Variants in TENM3 observed in about 807,000 individuals in gnomAD.
TENM3 encodes teneurin transmembrane protein 3.
In TENM3, 63 loss-of-function variants were observed where a neutral mutation model predicts 255.1. That is an observed-to-expected ratio of 0.25 (90% CI 0.20 to 0.30). TENM3 has a LOEUF of 0.30. Ranked by LOEUF, TENM3 falls within the 10% of genes least tolerant of loss-of-function variation. The probability of loss-of-function intolerance (pLI) is 1.00; values close to 1 mark genes in which losing one functional copy is unlikely to be tolerated. For synonymous variants in TENM3, 1,306 were observed against 1,322.3 expected (o/e 0.99, Z 0.27); for missense variants, 2,929 against 3,461.1 (o/e 0.85, Z 3.86).
At chr4:182,030,307 C>A in the TENM3 span, among the ~76,000 whole-genome samples, 1 of 151,912 alleles carries the variant, frequency 6.6e-6, no homozygotes, top group Admixed American at 6.6e-5. Context: ...TTGTTCAGCT[C>A]TCACTTATAA....
intron 3 of TENM3, among the ~76,000 whole-genome samples, chr4:182,436,272 G>A (rs1400360508): frequency 1.3e-5 from 2 of 152,120 alleles, no homozygotes; most frequent in Admixed American, 6.5e-5. Context: ...ACCGAGTTCC[G>A]AGTGCGTAAC....
chr4:182,788,304 C>T (rs965085678), intron 24 of TENM3, among the ~76,000 whole-genome samples: 17 of 152,128 alleles, frequency 1.1e-4, no homozygotes, highest in African/African-American at 3.6e-4. Context: ...AGAATTTAAT[C>T]GGGACCACAT....
chr4:182,537,497 G>A (rs1389376783), intron 3 of TENM3, among the ~76,000 whole-genome samples: 2 of 152,146 alleles, frequency 1.3e-5, no homozygotes, highest in Non-Finnish European at 2.9e-5. Context: ...CTCAGCTTCA[G>A]TCAAGTAAAC....
the TENM3 span, among the ~76,000 whole-genome samples, chr4:181,810,214 T>C: frequency 6.6e-6 from 1 of 152,190 alleles, no homozygotes; most frequent in African/African-American, 2.4e-5. Flanking sequence ...TCAAAATTCC[T>C]TTTTGTACTT....
the TENM3 span, chr4:182,080,025 A>G: frequency 6.6e-6 from 1 of 152,296 alleles, no homozygotes; most frequent in Non-Finnish European, 1.5e-5. Context: ...CCAGTTACAG[A>G]ATTGTTAGAT....
intron 1 of TENM3, among the ~76,000 whole-genome samples, chr4:182,218,137 A>T (rs941929275): frequency 1.3e-5 from 2 of 152,186 alleles, no homozygotes; most frequent in African/African-American, 2.4e-5. Context: ...CACATAGGTT[A>T]TGGGCAGCAG....
intron 3 of TENM3, among the ~76,000 whole-genome samples, chr4:182,533,698 G>A (rs141230735): frequency 0.013 from 1,938 of 152,080 alleles, 37 homozygotes; most frequent in African/African-American, 0.045. Flanking sequence ...GGTGGATCAC[G>A]GGGTCAGGAG....
At chr4:182,208,148 T>C (rs1754711974) in intron 1 of TENM3, among the ~76,000 whole-genome samples, 2 of 152,372 alleles carry the variant, frequency 1.3e-5, no homozygotes, top group South Asian at 4.1e-4. Flanking sequence ...AGCAGGAGAC[T>C]TTGTACTTTA....
the TENM3 span, among the ~76,000 whole-genome samples, chr4:181,805,401 G>A: frequency 9.2e-5 from 14 of 152,032 alleles, no homozygotes; most frequent in Non-Finnish European, 1.9e-4. Context: ...TCTACTTGTA[G>A]TTCCCAGTCT....
chr4:182,355,911 T>TTATATATA (rs112990350), intron 3 of TENM3, among the ~76,000 whole-genome samples: 62 of 147,954 alleles, frequency 4.2e-4, no homozygotes, highest in Non-Finnish European at 8.5e-4. Context: ...TATATATATA[T>TTATATATA]TATATATATA....
chr4:182,760,926 CTG>C (rs1314833990), intron 22 of TENM3, among the ~76,000 whole-genome samples: 1 of 152,182 alleles, frequency 6.6e-6, no homozygotes, highest in Non-Finnish European at 1.5e-5. Flanking sequence ...AAGTTCAAAA[CTG>C]TATACCAAAA....
intron 3 of TENM3, among the ~76,000 whole-genome samples, chr4:182,439,472 A>G (rs181842877): frequency 1.3e-5 from 2 of 152,366 alleles, no homozygotes; most frequent in Admixed American, 6.5e-5. Flanking sequence ...ACGGTTTTCT[A>G]CTTTAGTTTT....
the TENM3 span, among the ~76,000 whole-genome samples, chr4:181,857,315 G>A: frequency 7.4e-5 from 11 of 148,882 alleles, no homozygotes; most frequent in South Asian, 1.5e-3. Context: ...AAAGACAGAC[G>A]TCAGAGGGAA....
chr4:181,656,088 G>A, the TENM3 span, among the ~76,000 whole-genome samples: 1 of 152,178 alleles, frequency 6.6e-6, no homozygotes, highest in African/African-American at 2.4e-5. Context: ...AAAGATGCAA[G>A]AAGGAGACCA....
the TENM3 span, among the ~76,000 whole-genome samples, chr4:181,846,448 A>G: frequency 3.3e-5 from 5 of 152,182 alleles, no homozygotes; most frequent in Non-Finnish European, 5.9e-5. Context: ...CTGTGGTGAC[A>G]TAAATCTAAT....
chr4:181,651,947 G>T, the TENM3 span, among the ~76,000 whole-genome samples: 831 of 152,190 alleles, frequency 5.5e-3, 2 homozygotes, highest in African/African-American at 0.019. Flanking sequence ...AAATATTTTT[G>T]TAGTTACTAT....
the TENM3 span, among the ~76,000 whole-genome samples, chr4:182,017,664 C>G: frequency 6.6e-6 from 1 of 152,142 alleles, no homozygotes; most frequent in Non-Finnish European, 1.5e-5. Flanking sequence ...AATAATGATA[C>G]AGGCTTTTAA....
At chr4:182,366,059 GAT>G (rs1272936857) in intron 3 of TENM3, among the ~76,000 whole-genome samples, 2 of 152,128 alleles carry the variant, frequency 1.3e-5, no homozygotes, top group African/African-American at 4.8e-5. Flanking sequence ...TGACTGTAGA[GAT>G]ATAGATACAG....
intron 3 of TENM3, among the ~76,000 whole-genome samples, chr4:182,358,469 T>C (rs1342956088): frequency 1.3e-5 from 2 of 151,646 alleles, no homozygotes; most frequent in Non-Finnish European, 2.9e-5. Flanking sequence ...TATTTTATTC[T>C]CTTTGAAACA....
Sources: gnomAD v4.1 joint callset for allele counts (sites outside exome capture counted in the v4.1 genomes callset) on GRCh38, gnomAD v4.1.1 for gene constraint, MANE v1.5 for transcripts, NCBI Gene and HGNC (gene_info 2026-07-23, HGNC 2026-07-21) for gene names.